NCOR2: variants seen among roughly 807,000 people sequenced by gnomAD.
NCOR2 encodes CTG repeat protein 26.
In NCOR2, 81 loss-of-function variants were observed where a neutral mutation model predicts 262.9. That is an observed-to-expected ratio of 0.31 (90% CI 0.26 to 0.37). The LOEUF is 0.37. Ranked by LOEUF, NCOR2 falls within the 10% of genes least tolerant of loss-of-function variation. The pLI is 1.00. For synonymous variants in NCOR2, 1,659 were observed against 1,559.3 expected (o/e 1.06, Z -1.51); for missense variants, 3,385 against 3,621.4 (o/e 0.93, Z 1.68).
chr12:124,414,392 C>T (rs1289144899), intron 13 of NCOR2, among the ~76,000 whole-genome samples: 1 of 152,202 alleles, frequency 6.6e-6, no homozygotes, highest in African/African-American at 2.4e-5. Flanking sequence ...CCATCACTGT[C>T]GCCGTCATCA....
At chr12:124,360,370 C>T (rs576096630) in intron 22 of NCOR2, among the ~76,000 whole-genome samples, 2 of 152,354 alleles carry the variant, frequency 1.3e-5, no homozygotes, top group African/African-American at 2.4e-5. Flanking sequence ...AACAAACTCC[C>T]GATGCGCCCT....
rs972116738 is a variant in NCOR2 at position 124,436,635 on chromosome 12, G to A, written c.882+1295C>T. ...CCAGGCAGCCTCACTCCATCTCCCC[G>A]GCATCAGCCACTGGTTCACAGGACG... On this transcript the variant is annotated intron_variant, in intron 8 of 46. Coordinates refer to ENST00000405201, the Ensembl canonical transcript of NCOR2. Among the ~76,000 whole-genome samples, 9 of 152,226 alleles carry A rather than the reference G, an allele frequency of 5.9e-5. 1 individual carries two copies. The highest frequency in any genetic ancestry group is 4.1e-4 in the South Asian group (2 of 4,820).
Position 124,347,899 on chromosome 12 carries a change from C to T in NCOR2, c.3998G>A (p.Arg1333His), listed in dbSNP as rs562298385. 58 of 1,562,300 alleles carry T rather than the reference C, an allele frequency of 3.7e-5. No homozygotes were observed. The Admixed American group carries it at 6.7e-4, about 18-fold the overall frequency. Residue 1333 changes from arginine to histidine, a missense_variant, in exon 30 of 47, where the codon CGT becomes CAT. Transcript: ENST00000405201. ...GCTGTGTCGCTCCGGCGGGATGGCA[C>T]GGCCCATGAGACCTGGGTAGGAGAG...
At position 124,483,634 on chromosome 12, in the gene NCOR2, C is replaced by A; in HGVS notation, c.373G>T (p.Ala125Ser). The A allele has an allele frequency of 6.2e-7, 1 of 1,609,506 alleles. No homozygotes were observed. The change falls in exon 3 of 47, where the codon GCC becomes TCC. Residue 125 changes from alanine to serine, a missense_variant. By Grantham distance (99) the Ala-to-Ser change is moderately conservative. Coordinates refer to ENST00000405201, the Ensembl canonical transcript of NCOR2. The surrounding 1 kb of genome is among the most constrained non-coding windows in gnomAD (Gnocchi z 6.3). ...TCAGATCCCGCAGGCTGGCCCGTGG[C>A]CAGCAGGGGTGACGGTCGCAGCAGG...
intron 1 of NCOR2, among the ~76,000 whole-genome samples, chr12:124,558,919 T>C (rs1308620067): frequency 6.6e-6 from 1 of 152,206 alleles, no homozygotes; most frequent in Non-Finnish European, 1.5e-5. Flanking sequence ...CCCAAGGCCA[T>C]GTCACTCAGA....
At position 124,358,567 on chromosome 12, in the gene NCOR2, G is replaced by A. The variant is rs181257374; in HGVS notation, c.3101-1785C>T. Among the ~76,000 whole-genome samples, 5 of 152,282 alleles carry A rather than the reference G, an allele frequency of 3.3e-5. No homozygotes were observed. The East Asian group carries it at 5.8e-4, about 18-fold the overall frequency. ...CATCCCACGGCCTCCATGAGCCTCC[G>A]GTTAAGCTCACACAGAGACTGCTGC... is the stretch of plus-strand genomic sequence containing the variant. On this transcript the variant is annotated intron_variant, in intron 22 of 46. Transcript: ENST00000405201.
intron 20 of NCOR2, among the ~76,000 whole-genome samples, chr12:124,368,285 C>T (rs540524432): frequency 2.0e-4 from 30 of 152,106 alleles, no homozygotes; most frequent in Non-Finnish European, 4.0e-4. Flanking sequence ...GGGCAGGGCA[C>T]GAGAGGGGGA....
upstream of NCOR2, among the ~76,000 whole-genome samples, chr12:124,497,027 C>T (rs1309670041): frequency 6.6e-6 from 1 of 152,196 alleles, no homozygotes; most frequent in Non-Finnish European, 1.5e-5. The surrounding 1 kb of genome is among the most constrained non-coding windows in gnomAD (Gnocchi z 4.2). Context: ...AGGTTGTGTC[C>T]GATGGTGGCT....
chr12:124,423,514 T>C (rs562141865), intron 11 of NCOR2, among the ~76,000 whole-genome samples: 2 of 152,284 alleles, frequency 1.3e-5, no homozygotes, highest in East Asian at 3.9e-4. Flanking sequence ...CTCTTCCCGG[T>C]GGAAGCGGCG....
chr12:124,553,771 C>T (rs1319121232), intron 1 of NCOR2, among the ~76,000 whole-genome samples: 5 of 152,232 alleles, frequency 3.3e-5, no homozygotes, highest in African/African-American at 9.6e-5. Context: ...AAGAAATCCC[C>T]CCACTGCTGA....
Position 124,387,200 on chromosome 12 carries a change from A to T in NCOR2, c.1877-1313T>A, listed in dbSNP as rs549677307. ...GGCAGCCGTCTGTGTTGGTATTTTC[A>T]TTCATTCATTCATTCATTCATTCAT... On this transcript the variant is annotated intron_variant, in intron 16 of 46. Coordinates refer to ENST00000405201, the Ensembl canonical transcript of NCOR2. 3.9e-4 allele frequency among the ~76,000 whole-genome samples: 42 copies of T among 108,608 alleles called. No individual in the cohort carries two copies. In the Admixed American group the frequency reaches 4.0e-3, roughly 10 times the overall value. 71.3% of individuals were successfully genotyped at this position (108,608 alleles called of 152,430 possible).
At chr12:124,327,668 T>TG in intron 44 of NCOR2, 35 bp from the exon 47 acceptor site, 1 of 1,339,882 alleles carries the variant, frequency 7.5e-7, no homozygotes, top group South Asian at 1.5e-5. Context: ...GACAGACACA[T>TG]GGGGGCCGGG....
intron 1 of NCOR2, among the ~76,000 whole-genome samples, chr12:124,493,704 T>C (rs2048218099): frequency 1.3e-5 from 2 of 152,184 alleles, no homozygotes; most frequent in Admixed American, 1.3e-4. Context: ...TTTTTGTTGG[T>C]GGTGGTGACA....
chr12:124,382,567 C>T (rs1402588219), intron 17 of NCOR2, among the ~76,000 whole-genome samples: 4 of 152,222 alleles, frequency 2.6e-5, no homozygotes, highest in Non-Finnish European at 5.9e-5. Context: ...GACACTAGGA[C>T]GACCCACTTT....
intron 6 of NCOR2, among the ~76,000 whole-genome samples, chr12:124,453,350 C>G (rs1014134455): frequency 6.6e-6 from 1 of 152,200 alleles, no homozygotes; most frequent in Admixed American, 6.5e-5. Context: ...GTGAGGGAAT[C>G]GAGGCCTAGA....
At chr12:124,325,287 C>T (rs1288754258) in exon 47 of NCOR2, 12 of 614,686 alleles carry the variant, frequency 2.0e-5, no homozygotes, top group East Asian at 3.5e-5. Flanking sequence ...GAGGCGCAGG[C>T]GGACTCAGGG....
Position 124,386,363 on chromosome 12 carries a change from G to A in NCOR2, c.1877-476C>T, listed in dbSNP as rs565566575. Among the ~76,000 whole-genome samples the A allele has an allele frequency of 8.5e-5, 13 of 152,174 alleles. No homozygotes were observed. The East Asian group carries it at 9.7e-4, about 11-fold the overall frequency. On this transcript the variant is annotated intron_variant, in intron 16 of 46. Coordinates refer to ENST00000405201, the Ensembl canonical transcript of NCOR2. Reference sequence around the variant, plus strand: ...AGACGGGTTGTTTTCCGGCCACACCGGCCCAGCGAAAGGAAGGGACGTGGT... The same window carrying A: ...AGACGGGTTGTTTTCCGGCCACACCAGCCCAGCGAAAGGAAGGGACGTGGT...
chr12:124,497,361 G>A (rs1232972282), upstream of NCOR2, among the ~76,000 whole-genome samples: 1 of 152,182 alleles, frequency 6.6e-6, no homozygotes, highest in Non-Finnish European at 1.5e-5. This position sits in a 1 kb window ranked among gnomAD's most constrained non-coding sequence, Gnocchi z 4.2. Context: ...CTCCACCATC[G>A]CTAAGCTGCG....
At chr12:124,350,696 C>T (rs1236663114) in exon 28 of NCOR2, 1 of 1,613,486 alleles carries the variant, frequency 6.2e-7, no homozygotes, top group East Asian at 2.2e-5. Flanking sequence ...CGCCGATGAT[C>T]CTGGTGATGG....
Sources: allele counts gnomAD v4.1 joint callset (sites outside exome capture counted in the v4.1 genomes callset), GRCh38; gene constraint gnomAD v4.1.1; non-coding constraint Gnocchi (gnomAD v3.1); transcripts MANE v1.5; gene names NCBI Gene and HGNC (gene_info 2026-07-23, HGNC 2026-07-21).